The following DPYSL2 variants were observed in gnomAD, a reference collection of about 807,000 sequenced individuals.
The protein encoded by DPYSL2 is dihydropyrimidinase like 2.
Under a neutral mutation model 69.9 loss-of-function variants are expected in DPYSL2, and 13 were observed. The ratio of observed to expected loss-of-function variants is 0.19; its 90% confidence interval spans 0.12 to 0.30. The LOEUF (loss-of-function observed/expected upper bound fraction) is 0.30, where lower values mean the gene tolerates loss of function less well. Among genes scored for constraint, DPYSL2 ranks in the 10% least tolerant of loss-of-function variants. The probability of loss-of-function intolerance (pLI) is 1.00; values close to 1 mark genes in which losing one functional copy is unlikely to be tolerated. For synonymous variants in DPYSL2, 326 were observed against 359.1 expected, an observed-to-expected ratio of 0.91 and a Z score of 1.04; for missense variants, 587 against 918.9, an observed-to-expected ratio of 0.64 and a Z score of 4.67.
chr8:26,558,936 CTATT>C (rs569519090), intron 1 of DPYSL2, among the ~76,000 whole-genome samples: 4 of 151,886 alleles, frequency 2.6e-5, no homozygotes, highest in Admixed American at 2.0e-4. Flanking sequence ...ATTTTTAAAA[CTATT>C]TATTTATTTA....
chr8:26,581,210 G>A (rs1463078766), intron 1 of DPYSL2, among the ~76,000 whole-genome samples: 1 of 152,132 alleles, frequency 6.6e-6, no homozygotes, highest in Non-Finnish European at 1.5e-5. Context: ...TGAACCCAGT[G>A]TATTTGTGTG....
Position 26,591,375 on chromosome 8 carries a change from T to C in DPYSL2, c.628+7392T>C, listed in dbSNP as rs1359698637. ...TCAGTGGTCGGGTCTCAGGGTTCCTTATTGCTAGATGAAAGCTTCCACGAC... is the reference window on the plus strand; with the variant it reads ...TCAGTGGTCGGGTCTCAGGGTTCCTCATTGCTAGATGAAAGCTTCCACGAC... On this transcript the variant is annotated intron_variant, in intron 3 of 13. Coordinates refer to ENST00000521913, the MANE Select transcript of DPYSL2 (RefSeq NM_001197293.3). The surrounding 1 kb of genome is among the most constrained non-coding windows in gnomAD (Gnocchi z 5.8). Among the ~76,000 whole-genome samples the C allele has an allele frequency of 6.6e-6, 1 of 152,196 alleles. No individual in the cohort carries two copies. Among genetic ancestry groups the C allele is most frequent in the Non-Finnish European group, 1.5e-5 (1 of 68,028 alleles).
chr8:26,594,875 A>G (rs956285968), intron 3 of DPYSL2, among the ~76,000 whole-genome samples: 34 of 152,176 alleles, frequency 2.2e-4, no homozygotes, highest in African/African-American at 8.0e-4. Flanking sequence ...AGGAAAAACA[A>G]CGATGTATAA....
At chr8:26,637,429 G>A (rs1802945975) in intron 8 of DPYSL2, 1 of 152,216 alleles carries the variant, frequency 6.6e-6, no homozygotes, top group African/African-American at 2.4e-5. Flanking sequence ...CAGAGCTCAT[G>A]TATAGTGGAA....
chr8:26,616,708 G>A (rs1426886630), intron 3 of DPYSL2, among the ~76,000 whole-genome samples: 2 of 152,168 alleles, frequency 1.3e-5, no homozygotes, highest in Admixed American at 6.5e-5. Flanking sequence ...AGGCGGGGTC[G>A]GAGGGCTGAG....
rs958048360 is a variant in DPYSL2, at chr8:26,585,595, C to A, written c.628+1612C>A. 9.2e-5 allele frequency among the ~76,000 whole-genome samples: 14 copies of A among 152,138 alleles called. No homozygotes were observed. The highest frequency in any genetic ancestry group is 3.4e-4 in the African/African-American group (14 of 41,410). ...TCATGCACACCTAGGGAGAGCAGAG[C>A]CTGCACCTTGTCATTTGCTGGGGAA... On this transcript the variant is annotated intron_variant, in intron 3 of 13. Coordinates refer to ENST00000521913, the MANE Select transcript of DPYSL2 (RefSeq NM_001197293.3). This position sits in a 1 kb window ranked among gnomAD's most constrained non-coding sequence, Gnocchi z 4.0.
At chr8:26,523,890 A>G (rs1808432109) in intron 1 of DPYSL2, among the ~76,000 whole-genome samples, 2 of 152,220 alleles carry the variant, frequency 1.3e-5, no homozygotes. Flanking sequence ...TATTGTATGT[A>G]TAGACCACAT....
At chr8:26,519,114 A>G (rs777777710) in intron 1 of DPYSL2, among the ~76,000 whole-genome samples, 4 of 152,178 alleles carry the variant, frequency 2.6e-5, no homozygotes, top group Non-Finnish European at 4.4e-5. Flanking sequence ...TCACAAACTC[A>G]TGGCTCTATA....
At position 26,648,447 on chromosome 8, in the gene DPYSL2, G is replaced by A. The variant is rs985644523; in HGVS notation, c.1596+647G>A. 2.6e-5 allele frequency among the ~76,000 whole-genome samples: 4 copies of A among 152,112 alleles called. No individual in the cohort carries two copies. The highest frequency in any genetic ancestry group is 9.7e-5 in the African/African-American group (4 of 41,400). On this transcript the variant is annotated intron_variant, in intron 11 of 13. Coordinates refer to ENST00000521913, the MANE Select transcript of DPYSL2 (RefSeq NM_001197293.3). This position sits in a 1 kb window ranked among gnomAD's most constrained non-coding sequence, Gnocchi z 4.3. The stretch of plus-strand genomic sequence containing the variant: ...CAGGGCAAGTCTGTTAATGTCTTAC[G>A]CTCCTCAGCTGAGAGTGAGGGGTTC...
chr8:26,555,182 C>G (rs1219059734), intron 1 of DPYSL2, among the ~76,000 whole-genome samples: 1 of 151,936 alleles, frequency 6.6e-6, no homozygotes, highest in Non-Finnish European at 1.5e-5. Context: ...AACTTTCCTG[C>G]TAACAATAGG....
chr8:26,517,849 G>T lies in DPYSL2; in HGVS notation c.354+3170G>T, dbSNP rs1360946294. Among the ~76,000 whole-genome samples the T allele has an allele frequency of 6.6e-6, 1 of 152,144 alleles. No individual in the cohort carries two copies. Among genetic ancestry groups the T allele is most frequent in the African/African-American group, 2.4e-5 (1 of 41,436 alleles). On this transcript the variant is annotated intron_variant, in intron 1 of 13. Coordinates refer to ENST00000521913, the MANE Select transcript of DPYSL2 (RefSeq NM_001197293.3). This position sits in a 1 kb window ranked among gnomAD's most constrained non-coding sequence, Gnocchi z 4.2. ...TACTGAGTCTGTGAAGTGCTTTCTG[G>T]TGCTCCCTTCCATCTGGGTCCCCAT...
intron 1 of DPYSL2, among the ~76,000 whole-genome samples, chr8:26,581,174 A>G (rs1801483621): frequency 6.6e-6 from 1 of 152,206 alleles, no homozygotes; most frequent in Admixed American, 6.5e-5. Flanking sequence ...TATAAAGGAC[A>G]TATTGAATGG....
At chr8:26,651,999 A>ACATG (rs780818266) in intron 11 of DPYSL2, among the ~76,000 whole-genome samples, 13 of 152,212 alleles carry the variant, frequency 8.5e-5, no homozygotes, top group Non-Finnish European at 1.9e-4. Flanking sequence ...GCATTTACAA[A>ACATG]CATGCACCCT....
Position 26,622,086 on chromosome 8 carries a change from T to C in DPYSL2, c.629-2057T>C, listed in dbSNP as rs917684324. On this transcript the variant is annotated intron_variant, in intron 3 of 13. Transcript: ENST00000521913. The stretch of plus-strand genomic sequence containing the variant: ...TGCTTTTCTTTTTTTTCTTTCTTTC[T>C]TTCTTTCCTTCCTTCCTTCCTTCCT... Among the ~76,000 whole-genome samples, 6 of 109,516 alleles carry C rather than the reference T, an allele frequency of 5.5e-5. No homozygotes were observed. In the East Asian group the frequency reaches 1.3e-3, roughly 23 times the overall value. 71.8% of individuals were successfully genotyped at this position (109,516 alleles called of 152,430 possible). A position where few individuals can be genotyped will look rare whatever the true frequency, so the allele number is the denominator to read the frequency against.
chr8:26,542,869 C>T (rs1800707894), intron 1 of DPYSL2, among the ~76,000 whole-genome samples: 1 of 152,168 alleles, frequency 6.6e-6, no homozygotes, highest in Admixed American at 6.6e-5. Context: ...ACACAACATC[C>T]AGTTTTATTG....
chr8:26,618,572 G>A (rs1163453668), intron 3 of DPYSL2, among the ~76,000 whole-genome samples: 1 of 139,756 alleles, frequency 7.2e-6, no homozygotes, highest in Non-Finnish European at 1.5e-5. Context: ...GCCCACCTCA[G>A]CCTCCCAAAG....
chr8:26,556,094 A>AT (rs1280694856), intron 1 of DPYSL2, among the ~76,000 whole-genome samples: 1 of 60,478 alleles, frequency 1.7e-5, no homozygotes, highest in African/African-American at 6.1e-5. Flanking sequence ...TATACTATAT[A>AT]AATTATATAT....
In DPYSL2 at chr8:26,516,505, C is replaced by G; in HGVS notation, c.354+1826C>G. Among the ~76,000 whole-genome samples, 1 of 152,180 alleles carries G rather than the reference C, an allele frequency of 6.6e-6. No individual in the cohort carries two copies. Among genetic ancestry groups the G allele is most frequent in the Non-Finnish European group, 1.5e-5 (1 of 68,000 alleles). ...AGGATAGGGGTTGAAAGTGGCCCAC[C>G]CCTATCATGAATTAGAACTCAAGTT... is the stretch of plus-strand genomic sequence containing the variant. On this transcript the variant is annotated intron_variant, in intron 1 of 13. Coordinates refer to ENST00000521913, the MANE Select transcript of DPYSL2 (RefSeq NM_001197293.3). This position sits in a 1 kb window ranked among gnomAD's most constrained non-coding sequence, Gnocchi z 4.8.
At chr8:26,600,162 A>G (rs1246020981) in intron 3 of DPYSL2, among the ~76,000 whole-genome samples, 1 of 152,138 alleles carries the variant, frequency 6.6e-6, no homozygotes, top group Non-Finnish European at 1.5e-5. Context: ...CCATTCATCG[A>G]TGGATGGCAT....
Sources: allele counts gnomAD v4.1 joint callset (sites outside exome capture counted in the v4.1 genomes callset), GRCh38; gene constraint gnomAD v4.1.1; non-coding constraint Gnocchi (gnomAD v3.1); transcripts MANE v1.5; gene names NCBI Gene and HGNC (gene_info 2026-07-23, HGNC 2026-07-21).